The following KIRREL3 variants were observed in gnomAD, a reference collection of about 807,000 sequenced individuals.
KIRREL3 encodes the protein kin of IRRE-like protein 3.
KIRREL3 carries 36 observed loss-of-function variants against 89.7 expected under a neutral mutation model. The ratio of observed to expected loss-of-function variants is 0.40; its 90% CI spans 0.31 to 0.53. The LOEUF is 0.53. Among genes scored for constraint, KIRREL3 ranks in the 20% least tolerant of loss-of-function variants. The pLI, the probability that KIRREL3 is intolerant of heterozygous loss-of-function variation, is 0.49. For missense variants in KIRREL3, 864 were observed against 1,056.6 expected (o/e 0.82, Z 2.53); for synonymous variants, 445 against 441.4 (o/e 1.01, Z -0.10).
intron 1 of KIRREL3, among the ~76,000 whole-genome samples, chr11:126,582,425 G>A (rs1941599266): frequency 6.6e-6 from 1 of 152,334 alleles, no homozygotes. Flanking sequence ...GATGCTGCCG[G>A]AAGCAATAAT....
rs1182635712 is a variant in KIRREL3 at position 126,520,610 on chromosome 11, T to A, written c.433+705A>T. On this transcript the variant is annotated intron_variant, in intron 4 of 16. Coordinates refer to ENST00000525144, the MANE Select transcript of KIRREL3 (RefSeq NM_032531.4). The surrounding 1 kb of genome is among the most constrained non-coding windows in gnomAD (Gnocchi z 4.9). ...GCCAGAGGAGGGAGACTCCCGGGAC[T>A]GAACTCTAAATCAGAACTAGGCGGT... is the stretch of plus-strand genomic sequence containing the variant. Among the ~76,000 whole-genome samples the A allele has an allele frequency of 2.0e-5, 3 of 152,192 alleles. No individual in the cohort carries two copies. The highest frequency in any genetic ancestry group is 4.4e-5 in the Non-Finnish European group (3 of 68,042).
intron 4 of KIRREL3, among the ~76,000 whole-genome samples, chr11:126,509,654 T>C (rs1303100808): frequency 1.3e-5 from 2 of 152,204 alleles, no homozygotes; most frequent in Admixed American, 6.5e-5. Flanking sequence ...ATCTGTCACT[T>C]TCCTGCCTTG....
Position 126,900,732 on chromosome 11 carries a change from G to T in KIRREL3, c.55+99723C>A, listed in dbSNP as rs1354616401. ...TTTCCTGTAATGATATTTAAGTGAT[G>T]GGCAAGGGTATCAATGGTTCAGGCA... On this transcript the variant is annotated intron_variant, in intron 1 of 16. Coordinates refer to ENST00000525144, the MANE Select transcript of KIRREL3 (RefSeq NM_032531.4). The surrounding 1 kb of genome is among the most constrained non-coding windows in gnomAD (Gnocchi z 4.4). Among the ~76,000 whole-genome samples, 1 of 152,188 alleles carries T rather than the reference G, an allele frequency of 6.6e-6. No homozygotes were observed. The highest frequency in any genetic ancestry group is 1.5e-5 in the Non-Finnish European group (1 of 68,030).
intron 1 of KIRREL3, among the ~76,000 whole-genome samples, chr11:126,840,554 C>T (rs1340506755): frequency 6.6e-6 from 1 of 152,188 alleles, no homozygotes; most frequent in South Asian, 2.1e-4. Context: ...GTTTCACGCT[C>T]CGATTTCAGT....
intron 1 of KIRREL3, among the ~76,000 whole-genome samples, chr11:126,657,551 C>T (rs1945206503): frequency 6.6e-6 from 1 of 152,218 alleles, no homozygotes; most frequent in African/African-American, 2.4e-5. Context: ...TGTCATTCCT[C>T]TTCTCACCCA....
chr11:126,857,479 G>A (rs1176740906), intron 1 of KIRREL3, among the ~76,000 whole-genome samples: 2 of 152,030 alleles, frequency 1.3e-5, no homozygotes, highest in Non-Finnish European at 2.9e-5. Flanking sequence ...GCTGAGACTG[G>A]GACTTTACTT....
rs925211602 is a variant in KIRREL3 at position 126,977,613 on chromosome 11, C to A, written c.55+22842G>T. Among the ~76,000 whole-genome samples, 1 of 152,196 alleles carries A rather than the reference C, an allele frequency of 6.6e-6. No homozygotes were observed. Among genetic ancestry groups the A allele is most frequent in the African/African-American group, 2.4e-5 (1 of 41,436 alleles). On this transcript the variant is annotated intron_variant, in intron 1 of 16. Transcript: ENST00000525144. The surrounding 1 kb of genome is among the most constrained non-coding windows in gnomAD (Gnocchi z 4.7). ...ACCTGTCTATTTCATCAGGTTTATA[C>A]CTTGTTGGCACAATGCCTGGCACAT...
rs1958818267 is a variant in KIRREL3 at position 126,528,022 on chromosome 11, C to T, written c.134-1335G>A. Among the ~76,000 whole-genome samples the T allele has an allele frequency of 6.6e-6, 1 of 152,190 alleles. No individual in the cohort carries two copies. The highest frequency in any genetic ancestry group is 1.5e-5 in the Non-Finnish European group (1 of 68,030). On this transcript the variant is annotated intron_variant, in intron 2 of 16. Coordinates refer to ENST00000525144, the MANE Select transcript of KIRREL3 (RefSeq NM_032531.4). The surrounding 1 kb of genome is among the most constrained non-coding windows in gnomAD (Gnocchi z 4.6). Reference sequence around the variant, plus strand: ...TAATTATACTTCAGGGCAGAAAAAGCCCCACTTTACAACAAAGAAACCAGG... The same window carrying T: ...TAATTATACTTCAGGGCAGAAAAAGTCCCACTTTACAACAAAGAAACCAGG...
chr11:126,920,405 A>G (rs78099299), intron 1 of KIRREL3: 8,240 of 152,310 alleles, frequency 0.054, 286 homozygotes, highest in East Asian at 0.074. Flanking sequence ...AATCTCCCTC[A>G]ATGTGAAGAT....
chr11:126,595,186 G>C (rs532152911), intron 1 of KIRREL3, among the ~76,000 whole-genome samples: 2 of 152,348 alleles, frequency 1.3e-5, no homozygotes, highest in Non-Finnish European at 2.9e-5. Context: ...TGTGGAGGGG[G>C]TGGCGGGTGA....
At position 126,444,986 on chromosome 11, in the gene KIRREL3, G is replaced by T; in HGVS notation, c.1245C>A (p.Thr415=). ...VGAGEREVTL[T]VNGPPIISST... Reference sequence around the variant, plus strand: ...CCCCAGCGAGGGTCTTACCATTGACGGTCAGGGTCACCTCTCTCTCCCCGG... The same window carrying T: ...CCCCAGCGAGGGTCTTACCATTGACTGTCAGGGTCACCTCTCTCTCCCCGG... The change falls in exon 10 of 17, where the codon ACC becomes ACA. Residue 415 remains threonine (T), a synonymous_variant. Coordinates refer to ENST00000525144, the MANE Select transcript of KIRREL3 (RefSeq NM_032531.4). The T allele has an allele frequency of 6.2e-7, 1 of 1,613,686 alleles. No homozygotes were observed. The highest frequency in any genetic ancestry group is 8.5e-7 in the Non-Finnish European group (1 of 1,179,792).
chr11:126,625,068 C>T (rs1259453234), intron 1 of KIRREL3, among the ~76,000 whole-genome samples: 2 of 152,162 alleles, frequency 1.3e-5, no homozygotes, highest in African/African-American at 4.8e-5. Flanking sequence ...CTCCCCTCTC[C>T]AGTTGGAAAC....
At position 126,788,401 on chromosome 11, in the gene KIRREL3, A is replaced by G. The variant is rs1950543539; in HGVS notation, c.55+212054T>C. On this transcript the variant is annotated intron_variant, in intron 1 of 16. Transcript: ENST00000525144. The surrounding 1 kb of genome is among the most constrained non-coding windows in gnomAD (Gnocchi z 4.1). ...AGGGTCTGTGGCCCTTGGTTTTGAG[A>G]CTGAGACAGGGCTGTGCTTCTTCCC... Among the ~76,000 whole-genome samples, 1 of 152,110 alleles carries G rather than the reference A, an allele frequency of 6.6e-6. No homozygotes were observed. Among genetic ancestry groups the G allele is most frequent in the African/African-American group, 2.4e-5 (1 of 41,424 alleles).
At chr11:126,586,342 G>A (rs1185642493) in intron 1 of KIRREL3, among the ~76,000 whole-genome samples, 4 of 152,126 alleles carry the variant, frequency 2.6e-5, no homozygotes, top group Non-Finnish European at 5.9e-5. Flanking sequence ...TAGGTAATTA[G>A]GTAATCCAGC....
At chr11:126,638,114 T>C (rs577431095) in intron 1 of KIRREL3, among the ~76,000 whole-genome samples, 2 of 152,362 alleles carry the variant, frequency 1.3e-5, no homozygotes, top group African/African-American at 4.8e-5. Flanking sequence ...AGCATTGTAA[T>C]GTGCTGGGAA....
chr11:126,913,695 T>C (rs1278638588), intron 1 of KIRREL3, among the ~76,000 whole-genome samples: 1 of 152,218 alleles, frequency 6.6e-6, no homozygotes, highest in Non-Finnish European at 1.5e-5. Context: ...GGAGTCAGTT[T>C]CTCTTATCAG....
chr11:126,874,930 G>A (rs10790849), intron 1 of KIRREL3, among the ~76,000 whole-genome samples: 31,188 of 152,002 alleles, frequency 0.21, 3,908 homozygotes, highest in East Asian at 0.41. Context: ...GCCAAGGACC[G>A]AGTCCATGTC....
At position 126,563,161 on chromosome 11, in the gene KIRREL3, A is replaced by C. The variant is rs1393702399; in HGVS notation, c.56-249T>G. ...TATCATCCCCATTTATAGATATATG[A>C]AGTTAGTGGCACTGGATGAAAGAGC... On this transcript the variant is annotated intron_variant, in intron 1 of 16. Coordinates refer to ENST00000525144, the MANE Select transcript of KIRREL3 (RefSeq NM_032531.4). This position sits in a 1 kb window ranked among gnomAD's most constrained non-coding sequence, Gnocchi z 6.8. 6.6e-6 allele frequency among the ~76,000 whole-genome samples: 1 copy of C among 152,230 alleles called. No homozygotes were observed. Among genetic ancestry groups the C allele is most frequent in the Non-Finnish European group, 1.5e-5 (1 of 68,032 alleles).
At position 126,860,777 on chromosome 11, in the gene KIRREL3, C is replaced by G. The variant is rs1426012772; in HGVS notation, c.55+139678G>C. On this transcript the variant is annotated intron_variant, in intron 1 of 16. Transcript: ENST00000525144. This position sits in a 1 kb window ranked among gnomAD's most constrained non-coding sequence, Gnocchi z 4.6. Reference sequence around the variant, plus strand: ...CTGGTCCAAAGGAGAGAGGCTGAGACTCTTAGAATGTCCAAGGAGAGGGCA... The same window carrying G: ...CTGGTCCAAAGGAGAGAGGCTGAGAGTCTTAGAATGTCCAAGGAGAGGGCA... 6.6e-6 allele frequency among the ~76,000 whole-genome samples: 1 copy of G among 152,188 alleles called. No homozygotes were observed. The highest frequency in any genetic ancestry group is 6.5e-5 in the Admixed American group (1 of 15,290).
Sources: gnomAD v4.1 joint callset for allele counts (sites outside exome capture counted in the v4.1 genomes callset) on GRCh38, gnomAD v4.1.1 for gene constraint, Gnocchi (gnomAD v3.1) non-coding constraint, MANE v1.5 for transcripts, NCBI Gene and HGNC (gene_info 2026-07-23, HGNC 2026-07-21) for gene names.